Variants in AKAP3 observed in about 807,000 individuals in gnomAD.
The protein encoded by AKAP3 is A-kinase anchor protein 3.
Under a neutral mutation model 57.2 loss-of-function variants are expected in AKAP3, and 27 were observed. The ratio of observed to expected loss-of-function variants is 0.47; its 90% CI spans 0.35 to 0.65. The LOEUF is 0.65. Ranked by LOEUF, AKAP3 falls within the 30% of genes least tolerant of loss-of-function variation. AKAP3 has a pLI of 0.01. For synonymous variants in AKAP3, 334 were observed against 392.3 expected (o/e 0.85, Z 1.76); for missense variants, 959 against 1,040.0 (o/e 0.92, Z 1.07).
Position 4,625,113 on chromosome 12 carries a change from T to C in AKAP3, c.2406+1383A>G, listed in dbSNP as rs1237875863. 6.6e-6 allele frequency among the ~76,000 whole-genome samples: 1 copy of C among 152,148 alleles called. No homozygotes were observed. Among genetic ancestry groups the C allele is most frequent in the Non-Finnish European group, 1.5e-5 (1 of 68,014 alleles). Reference sequence around the variant, plus strand: ...CTAATTGCTATATACTGTAAAATAGTTGTCTGTTTCACGGATTGGAAACCC... The same window carrying C: ...CTAATTGCTATATACTGTAAAATAGCTGTCTGTTTCACGGATTGGAAACCC... On this transcript the variant is annotated intron_variant, in intron 5 of 5. Transcript: ENST00000228850. This position sits in a 1 kb window ranked among gnomAD's most constrained non-coding sequence, Gnocchi z 5.4.
In AKAP3 at chr12:4,626,799, T is replaced by TC. The variant is rs200178782; in HGVS notation, c.2102dup (p.Asp702ArgfsTer4). ...AGGCCGAAGTTAGCCTACTGGCATC[T>TC]CCAGACTTGTCATCTCCCAGCTCTG... On this transcript the variant is annotated frameshift_variant, in exon 5 of 6. Coordinates refer to ENST00000228850, the MANE Select transcript of AKAP3 (RefSeq NM_001278309.2). LOFTEE classifies it high-confidence loss of function. The TC allele has an allele frequency of 0.13, 211,748 of 1,614,060 alleles. 15,039 individuals are homozygous for TC. Among genetic ancestry groups the TC allele is most frequent in the South Asian group, 0.26 (23,460 of 91,082 alleles).
intron 5 of AKAP3, among the ~76,000 whole-genome samples, chr12:4,624,285 T>C (rs1318517182): frequency 6.6e-6 from 1 of 151,660 alleles, no homozygotes; most frequent in Non-Finnish European, 1.5e-5. Flanking sequence ...GAAGAGGATA[T>C]ATATATAAAA....
chr12:4,646,098 C>G (rs1945694887), intron 1 of AKAP3, among the ~76,000 whole-genome samples: 1 of 152,108 alleles, frequency 6.6e-6, no homozygotes. Flanking sequence ...CTTAGATCTT[C>G]AGAGATACAA....
In AKAP3 at chr12:4,628,373, C is replaced by G; in HGVS notation, c.529G>C (p.Glu177Gln). 6.2e-7 allele frequency: 1 copy of G among 1,614,192 alleles called. No individual in the cohort carries two copies. Among genetic ancestry groups the G allele is most frequent in the Non-Finnish European group, 8.5e-7 (1 of 1,180,032 alleles). Residue 177 changes from glutamate (E) to glutamine (Q), a missense_variant, in exon 5 of 6, where the codon GAG becomes CAG. Coordinates refer to ENST00000228850, the MANE Select transcript of AKAP3 (RefSeq NM_001278309.2). ...PTKSLSKIAS[E>Q]LVNETVSACS... The stretch of plus-strand genomic sequence containing the variant: ...GCAGAGACGGTCTCATTCACAAGCT[C>G]TGATGCTATCTTACTGAGGCTTTTG...
At chr12:4,631,148 T>C (rs1394143176) in intron 4 of AKAP3, among the ~76,000 whole-genome samples, 6 of 152,210 alleles carry the variant, frequency 3.9e-5, no homozygotes, top group African/African-American at 1.4e-4. Context: ...TTGTTTTTGG[T>C]TCTCACTTCG....
chr12:4,615,977 A>G (rs1945280686), intron 5 of AKAP3, 83 bp from the exon 6 acceptor site: 17 of 1,540,768 alleles, frequency 1.1e-5, no homozygotes, highest in Non-Finnish European at 1.5e-5. Flanking sequence ...TGGAGCAGAG[A>G]GGCCAGGCAG....
intron 3 of AKAP3, among the ~76,000 whole-genome samples, chr12:4,639,814 C>CTTTT (rs34820221): frequency 7.2e-5 from 8 of 111,102 alleles, no homozygotes; most frequent in Admixed American, 2.1e-4. Flanking sequence ...ATTTTCTTGT[C>CTTTT]TTTTTTTTTT....
intron 2 of AKAP3, among the ~76,000 whole-genome samples, chr12:4,644,080 A>T (rs901145358): frequency 6.6e-6 from 1 of 152,238 alleles, no homozygotes; most frequent in South Asian, 2.1e-4. Context: ...TGCTGATTAA[A>T]TAAGAATTTC....
At position 4,628,433 on chromosome 12, in the gene AKAP3, G is replaced by T; in HGVS notation, c.469C>A (p.Gln157Lys). The change falls in exon 5 of 6, where the codon CAG (glutamine) becomes AAG (lysine). Residue 157 changes from glutamine to lysine, a missense_variant. Physicochemically the swap from Gln to Lys is moderately conservative, Grantham distance 53. Transcript: ENST00000228850. Reference protein sequence around the residue: ...IDGSENKCVYQSLYMGNEPTP... With the variant: ...IDGSENKCVYKSLYMGNEPTP... Reference sequence around the variant, plus strand: ...GGTTCATTCCCCATGTACAATGACTGATAGACACATTTGTTTTCAGAGCCA... The same window carrying T: ...GGTTCATTCCCCATGTACAATGACTTATAGACACATTTGTTTTCAGAGCCA... The T allele has an allele frequency of 6.2e-7, 1 of 1,614,182 alleles. No homozygotes were observed. The highest frequency in any genetic ancestry group is 1.1e-5 in the South Asian group (1 of 91,082).
At chr12:4,636,151 T>G in intron 4 of AKAP3, 1 of 702,148 alleles carries the variant, frequency 1.4e-6, no homozygotes, top group Non-Finnish European at 2.5e-6. Flanking sequence ...TGCTTGCGCC[T>G]CGATTAGCCA....
intron 4 of AKAP3, among the ~76,000 whole-genome samples, chr12:4,636,347 TCTG>T: frequency 1.3e-5 from 2 of 152,336 alleles, no homozygotes; most frequent in East Asian, 3.9e-4. Flanking sequence ...GGCCGTGGCA[TCTG>T]CTCTTTGGGC....
chr12:4,631,364 C>T (rs1029650794), intron 4 of AKAP3: 3 of 700,748 alleles, frequency 4.3e-6, no homozygotes, highest in African/African-American at 3.5e-5. Flanking sequence ...AGGAGAAGTG[C>T]TCCTTGATGT....
chr12:4,627,545 T>A lies in AKAP3; in HGVS notation c.1357A>T (p.Ile453Phe). Reference protein sequence around the residue: ...ETCAKTLGEHIIKEGLTLWHK... With the variant: ...ETCAKTLGEHFIKEGLTLWHK... ...CACAAGGTAAGCCCCTCTTTGATAA[T>A]GTGCTCACCCAGAGTTTTCGCACAA... is the stretch of plus-strand genomic sequence containing the variant. The change falls in exon 5 of 6, where the codon ATT (isoleucine) becomes TTT (phenylalanine). Residue 453 changes from isoleucine to phenylalanine, a missense_variant. By Grantham distance (21) the Ile-to-Phe change is conservative. Coordinates refer to ENST00000228850, the MANE Select transcript of AKAP3 (RefSeq NM_001278309.2). The A allele has an allele frequency of 6.2e-7, 1 of 1,614,184 alleles. No individual in the cohort carries two copies. The highest frequency in any genetic ancestry group is 8.5e-7 in the Non-Finnish European group (1 of 1,180,000).
At chr12:4,635,341 T>C (rs533869457) in intron 4 of AKAP3, 299 of 532,254 alleles carry the variant, frequency 5.6e-4, no homozygotes, top group Admixed American at 2.5e-3. Flanking sequence ...AAACTGGAGG[T>C]TGAGTTACTA....
intron 5 of AKAP3, among the ~76,000 whole-genome samples, chr12:4,620,658 C>T (rs1204341946): frequency 6.6e-6 from 1 of 152,054 alleles, no homozygotes; most frequent in East Asian, 1.9e-4. Context: ...TATGCTTATA[C>T]TGGACCTGAA....
rs115556683 is a variant in AKAP3 at position 4,639,308 on chromosome 12, C to T, written c.1-1112G>A. Among the ~76,000 whole-genome samples, 1,158 of 152,240 alleles carry T rather than the reference C, an allele frequency of 7.6e-3. 14 individuals carry two copies. The highest frequency in any genetic ancestry group is 0.026 in the African/African-American group (1,097 of 41,544). Reference sequence around the variant, plus strand: ...TCCCAGGCTTTCACACTGAAGTTTCCCTTCTTATATTCTTTGCTCAGCTCA... The same window carrying T: ...TCCCAGGCTTTCACACTGAAGTTTCTCTTCTTATATTCTTTGCTCAGCTCA... On this transcript the variant is annotated intron_variant, in intron 3 of 5. Transcript: ENST00000228850.
At position 4,648,976 on chromosome 12, in the gene AKAP3, C is replaced by T; in HGVS notation, c.-476G>A. ...CACTTCCTTTCTTCCCCCTCTCCTT[C>T]ACTTTCCCAGCTTTCTTCTTAACCA... On this transcript the variant is annotated 5_prime_UTR_variant, in exon 1 of 6. Coordinates refer to ENST00000228850, the MANE Select transcript of AKAP3 (RefSeq NM_001278309.2). 2.4e-6 allele frequency: 2 copies of T among 836,558 alleles called. No individual in the cohort carries two copies. The highest frequency in any genetic ancestry group is 1.8e-5 in the South Asian group (1 of 55,884). 51.8% of individuals were successfully genotyped at this position (836,558 alleles called of 1,614,324 possible).
chr12:4,635,450 T>A (rs1304014095), intron 4 of AKAP3: 3 of 725,254 alleles, frequency 4.1e-6, no homozygotes, highest in African/African-American at 1.9e-5. Flanking sequence ...TCTTTGGCAA[T>A]TTTTTAGCTA....
At chr12:4,630,333 T>G (rs1447085594) in intron 4 of AKAP3, among the ~76,000 whole-genome samples, 1 of 152,178 alleles carries the variant, frequency 6.6e-6, no homozygotes, top group East Asian at 1.9e-4. Flanking sequence ...AACAGAGACT[T>G]AGAGAAGTTA....
Sources: gnomAD v4.1 joint callset for allele counts (sites outside exome capture counted in the v4.1 genomes callset) on GRCh38, gnomAD v4.1.1 for gene constraint, Gnocchi (gnomAD v3.1) non-coding constraint, MANE v1.5 for transcripts, NCBI Gene and HGNC (gene_info 2026-07-23, HGNC 2026-07-21) for gene names.